The following FREM3 variants were observed in gnomAD, a reference collection of about 807,000 sequenced individuals.
The protein encoded by FREM3 is FRAS1-related extracellular matrix protein 3.
In FREM3, 105 loss-of-function variants were observed where a neutral mutation model predicts 129.1. The ratio of observed to expected loss-of-function variants is 0.81; its 90% CI spans 0.69 to 0.96. The LOEUF is 0.96. FREM3 is among the 40% of genes least tolerant of loss of function. The probability of loss-of-function intolerance (pLI) is 0.00; values close to 1 mark genes in which losing one functional copy is unlikely to be tolerated. For missense variants in FREM3, 2,593 were observed against 2,666.3 expected (o/e 0.97, Z 0.61); for synonymous variants, 1,014 against 1,044.9 (o/e 0.97, Z 0.57).
At chr4:143,603,380 T>G (rs187304703) in intron 6 of FREM3, among the ~76,000 whole-genome samples, 1 of 152,344 alleles carries the variant, frequency 6.6e-6, no homozygotes, top group Admixed American at 6.5e-5. Flanking sequence ...TTGATACATT[T>G]TCTCAGATTT....
chr4:143,624,280 A>G lies in FREM3; in HGVS notation c.5481T>C (p.Asn1827=), dbSNP rs1170393933. The change falls in exon 4 of 8, where the codon AAT becomes AAC. Residue 1827 remains asparagine (N), a synonymous_variant. Transcript: ENST00000329798. ...KKDKDFKWKT[N]KQIQFNPGQT... is the part of the protein sequence containing the mutation. ...GTCCAGGATTGAACTGGATCTGTTTATTGGTCTTCCATTTGAAATCTTTGT... is the reference window on the plus strand; with the variant it reads ...GTCCAGGATTGAACTGGATCTGTTTGTTGGTCTTCCATTTGAAATCTTTGT... 2.0e-6 allele frequency: 3 copies of G among 1,537,042 alleles called. No homozygotes were observed.
chr4:143,646,719 C>T (rs1739424461), intron 2 of FREM3, among the ~76,000 whole-genome samples: 1 of 152,274 alleles, frequency 6.6e-6, no homozygotes, highest in Non-Finnish European at 1.5e-5. Context: ...TGTAAATTAC[C>T]CAGTCTCAGG....
Position 143,697,363 on chromosome 4 carries a change from G to A in FREM3, c.3313C>T (p.Leu1105Phe). 1 of 1,537,226 alleles carries A rather than the reference G, an allele frequency of 6.5e-7. No homozygotes were observed. Among genetic ancestry groups the A allele is most frequent in the Admixed American group, 2.0e-5 (1 of 50,998 alleles). The change falls in exon 1 of 8, where the codon CTC (leucine) becomes TTC (phenylalanine). Residue 1105 changes from leucine (L) to phenylalanine (F), a missense_variant. Coordinates refer to ENST00000329798, the MANE Select transcript of FREM3 (RefSeq NM_001168235.2). ...GGCTGACTAGTCACTGTGCAGAGGA[G>A]TTCATCTTGATGAGTGTCCACATCT... is the stretch of plus-strand genomic sequence containing the variant. The part of the protein sequence containing the change: ...VEDVDTHQDE[L>F]LCTVTSQPAS...
At chr4:143,664,591 C>T (rs1739815378) in intron 2 of FREM3, among the ~76,000 whole-genome samples, 1 of 152,138 alleles carries the variant, frequency 6.6e-6, no homozygotes, top group Non-Finnish European at 1.5e-5. Context: ...CAGCTGCATG[C>T]TGGGACAACC....
Position 143,699,688 on chromosome 4 carries a change from G to C in FREM3, c.988C>G (p.Leu330Val). 6.6e-7 allele frequency: 1 copy of C among 1,525,794 alleles called. No homozygotes were observed. The highest frequency in any genetic ancestry group is 8.8e-7 in the Non-Finnish European group (1 of 1,140,336). The allele number at this position is 1,525,794 out of a possible 1,614,324, so 94.5% of individuals were successfully genotyped here. A position where few individuals can be genotyped will look rare whatever the true frequency, so the allele number is the denominator to read the frequency against. The part of the protein sequence containing the change: ...LVLTALTPDA[L>V]AAEDVESDPG... Reference sequence around the variant, plus strand: ...TCTGACTCGACGTCCTCCGCGGCCAGTGCGTCAGGCGTCAGGGCTGTCAGC... The same window carrying C: ...TCTGACTCGACGTCCTCCGCGGCCACTGCGTCAGGCGTCAGGGCTGTCAGC... The change falls in exon 1 of 8, where the codon CTG becomes GTG. Residue 330 changes from leucine (L) to valine (V), a missense_variant. Around this residue, in one of 2 missense-constraint regions of FREM3, gnomAD observed 2,276 missense variants for 2,267.2 expected, o/e 1.00. Coordinates refer to ENST00000329798, the MANE Select transcript of FREM3 (RefSeq NM_001168235.2). This position sits in a 1 kb window ranked among gnomAD's most constrained non-coding sequence, Gnocchi z 4.2.
chr4:143,578,924 G>C (rs146509475), intron 7 of FREM3, among the ~76,000 whole-genome samples: 1 of 152,226 alleles, frequency 6.6e-6, no homozygotes, highest in African/African-American at 2.4e-5. Flanking sequence ...TTTGAATGAG[G>C]TCTGAGTAGA....
At chr4:143,641,009 C>T (rs1739313042) in intron 2 of FREM3, among the ~76,000 whole-genome samples, 2 of 152,064 alleles carry the variant, frequency 1.3e-5, no homozygotes, top group African/African-American at 4.8e-5. Context: ...TAAATAAAAA[C>T]AAATATTTCC....
chr4:143,683,456 A>C (rs1740294424), intron 2 of FREM3, among the ~76,000 whole-genome samples: 1 of 152,270 alleles, frequency 6.6e-6, no homozygotes, highest in African/African-American at 2.4e-5. Flanking sequence ...CTTTACCTGC[A>C]GCTGAGTCAG....
chr4:143,656,451 C>T (rs1739602714), intron 2 of FREM3, among the ~76,000 whole-genome samples: 1 of 151,982 alleles, frequency 6.6e-6, no homozygotes, highest in African/African-American at 2.4e-5. Flanking sequence ...AAAGCAGTAC[C>T]ATATATACAT....
chr4:143,651,666 G>A (rs184750247), intron 2 of FREM3, among the ~76,000 whole-genome samples: 5 of 152,220 alleles, frequency 3.3e-5, no homozygotes, highest in African/African-American at 4.8e-5. Flanking sequence ...GAGTTAATGC[G>A]ACCCTCAAAA....
In FREM3 at chr4:143,605,871, C is replaced by T. The variant is rs565051603; in HGVS notation, c.6028+5408G>A. ...CGTAAACAAAGTGGTAATTTAATGC[C>T]ATTTCTATTTTTCTGAAAAGTCAAG... is the stretch of plus-strand genomic sequence containing the variant. On this transcript the variant is annotated intron_variant, in intron 6 of 7. Coordinates refer to ENST00000329798, the MANE Select transcript of FREM3 (RefSeq NM_001168235.2). Among the ~76,000 whole-genome samples the T allele has an allele frequency of 3.9e-5, 6 of 152,044 alleles. No homozygotes were observed. The East Asian group carries it at 9.7e-4, about 25-fold the overall frequency.
At chr4:143,684,588 A>G (rs1740322178) in intron 2 of FREM3, among the ~76,000 whole-genome samples, 3 of 152,200 alleles carry the variant, frequency 2.0e-5, no homozygotes, top group African/African-American at 7.2e-5. Context: ...TAATATGACA[A>G]AACAAAGCTC....
intron 2 of FREM3, among the ~76,000 whole-genome samples, chr4:143,678,362 AG>A (rs1740186501): frequency 6.6e-6 from 1 of 152,040 alleles, no homozygotes; most frequent in African/African-American, 2.4e-5. Context: ...GGACACAGGA[AG>A]GGGAACATCA....
chr4:143,613,517 G>A (rs1378474509), intron 5 of FREM3, among the ~76,000 whole-genome samples: 1 of 152,170 alleles, frequency 6.6e-6, no homozygotes, highest in African/African-American at 2.4e-5. Flanking sequence ...AGAGGTAAGT[G>A]GTTAGCAATA....
chr4:143,611,679 G>C (rs149391668), intron 5 of FREM3, among the ~76,000 whole-genome samples, 152 bp from the exon 6 acceptor site: 2 of 152,204 alleles, frequency 1.3e-5, no homozygotes, highest in African/African-American at 4.8e-5. Flanking sequence ...AATACTGTAA[G>C]AAGAAGGCTT....
At position 143,699,123 on chromosome 4, in the gene FREM3, A is replaced by G. The variant is rs1256781297; in HGVS notation, c.1553T>C (p.Ile518Thr). The G allele has an allele frequency of 6.5e-7, 1 of 1,537,442 alleles. No homozygotes were observed. The highest frequency in any genetic ancestry group is 2.0e-5 in the Admixed American group (1 of 51,008). ...GTGGTGCCCGTCCTCCATCCGGAAG[A>G]TGATATTGTCACTGTAGGTGTTGCT... ...DGSNTYSDNIIFRMEDGHHQV... is the reference protein window; with the variant it reads ...DGSNTYSDNITFRMEDGHHQV... Residue 518 changes from isoleucine to threonine, a missense_variant, in exon 1 of 8, where the codon ATC (isoleucine) becomes ACC (threonine). Around this residue, in one of 2 missense-constraint regions of FREM3, gnomAD observed 2,276 missense variants for 2,267.2 expected, o/e 1.00. Coordinates refer to ENST00000329798, the MANE Select transcript of FREM3 (RefSeq NM_001168235.2). The surrounding 1 kb of genome is among the most constrained non-coding windows in gnomAD (Gnocchi z 4.2).
chr4:143,634,444 G>A (rs1739199760), intron 2 of FREM3, among the ~76,000 whole-genome samples: 1 of 152,090 alleles, frequency 6.6e-6, no homozygotes. Flanking sequence ...TCTGACATAA[G>A]ATACCCCAGG....
chr4:143,641,042 A>G (rs1392329232), intron 2 of FREM3, among the ~76,000 whole-genome samples: 1 of 152,216 alleles, frequency 6.6e-6, no homozygotes, highest in Non-Finnish European at 1.5e-5. Flanking sequence ...TGCACTGTAC[A>G]TCTTAGAAAC....
intron 2 of FREM3, among the ~76,000 whole-genome samples, chr4:143,692,316 T>C (rs550444927): frequency 1.3e-5 from 2 of 152,140 alleles, no homozygotes; most frequent in Non-Finnish European, 2.9e-5. Flanking sequence ...TGGCCTCTCA[T>C]ATAGGACTAC....
Sources: gnomAD v4.1 joint callset for allele counts (sites outside exome capture counted in the v4.1 genomes callset) on GRCh38, gnomAD v4.1.1 for gene constraint, gnomAD v4.1.1 regional missense constraint, Gnocchi (gnomAD v3.1) non-coding constraint, MANE v1.5 for transcripts, NCBI Gene and HGNC (gene_info 2026-07-23, HGNC 2026-07-21) for gene names.